The following LURAP1L variants were observed in gnomAD, a reference collection of about 807,000 sequenced individuals.
The protein encoded by LURAP1L is leucine rich adaptor protein 1 like, also known as leucine rich adaptor protein 1-like.
Under a neutral mutation model 13.8 loss-of-function variants are expected in LURAP1L, and 12 were observed. The ratio of observed to expected loss-of-function variants is 0.87; its 90% CI spans 0.56 to 1.41. The LOEUF is 1.41. Ranked by LOEUF, LURAP1L falls within the 40% of genes most tolerant of loss-of-function variation. The pLI is 0.00. For synonymous variants in LURAP1L, 139 were observed against 119.2 expected (o/e 1.17, Z -1.08); for missense variants, 375 against 292.9 (o/e 1.28, Z -2.04).
chr9:12,806,467 G>C (rs1016238281), intron 1 of LURAP1L, among the ~76,000 whole-genome samples: 3 of 151,612 alleles, frequency 2.0e-5, no homozygotes, highest in African/African-American at 7.3e-5. Flanking sequence ...TCATAATGCT[G>C]GGTCAATTCA....
chr9:12,807,846 C>T (rs1258632778), intron 1 of LURAP1L, among the ~76,000 whole-genome samples: 1 of 151,940 alleles, frequency 6.6e-6, no homozygotes, highest in Admixed American at 6.6e-5. Flanking sequence ...TTTTTCTTCT[C>T]TTGGCATATT....
intron 1 of LURAP1L, among the ~76,000 whole-genome samples, chr9:12,778,383 T>A (rs1266485518): frequency 2.0e-5 from 3 of 152,226 alleles, no homozygotes; most frequent in African/African-American, 7.2e-5. Context: ...CTCAGCTTTC[T>A]TGTTAACATA....
At position 12,790,123 on chromosome 9, in the gene LURAP1L, T is replaced by A. The variant is rs916365325; in HGVS notation, c.312+14096T>A. ...AAGTCATGTTATTTTAAAAAAATATTTTTAAGTCTCTGGGGCTAAAGATTT... is the reference window on the plus strand; with the variant it reads ...AAGTCATGTTATTTTAAAAAAATATATTTAAGTCTCTGGGGCTAAAGATTT... On this transcript the variant is annotated intron_variant, in intron 1 of 1. Transcript: ENST00000319264. Among the ~76,000 whole-genome samples, 7 of 152,294 alleles carry A rather than the reference T, an allele frequency of 4.6e-5. No homozygotes were observed. In the East Asian group the frequency reaches 1.4e-3, roughly 29 times the overall value.
intron 1 of LURAP1L, among the ~76,000 whole-genome samples, chr9:12,807,792 C>G (rs1335278584): frequency 6.6e-6 from 1 of 151,858 alleles, no homozygotes; most frequent in Non-Finnish European, 1.5e-5. Flanking sequence ...GCTTTTTTGT[C>G]TTCCACTTCT....
At chr9:12,780,253 T>C (rs1819251266) in intron 1 of LURAP1L, among the ~76,000 whole-genome samples, 1 of 152,208 alleles carries the variant, frequency 6.6e-6, no homozygotes, top group Admixed American at 6.5e-5. Context: ...TCAGTTATCC[T>C]CTTCTTCTCA....
chr9:12,795,645 A>G (rs1024814767), intron 1 of LURAP1L, among the ~76,000 whole-genome samples: 2 of 152,086 alleles, frequency 1.3e-5, no homozygotes, highest in Non-Finnish European at 2.9e-5. Context: ...CTGAATGCCA[A>G]GCTAAGAAGT....
intron 1 of LURAP1L, among the ~76,000 whole-genome samples, chr9:12,799,537 T>C (rs188086980): frequency 6.6e-6 from 1 of 152,324 alleles, no homozygotes; most frequent in East Asian, 1.9e-4. Flanking sequence ...TCAGTTTAAT[T>C]AACCTACTTA....
intron 1 of LURAP1L, among the ~76,000 whole-genome samples, chr9:12,780,572 G>A (rs547738365): frequency 6.6e-5 from 10 of 152,050 alleles, no homozygotes; most frequent in African/African-American, 2.4e-4. Flanking sequence ...ATTCAAACAA[G>A]AACCACTGTG....
intron 1 of LURAP1L, 135 bp from the exon 2 acceptor site, chr9:12,821,251 C>G: frequency 1.9e-6 from 2 of 1,049,182 alleles, no homozygotes; most frequent in South Asian, 3.2e-5. Flanking sequence ...TCAAAAAGTT[C>G]CTGACAACCA....
chr9:12,789,942 A>G (rs1267431811), intron 1 of LURAP1L, among the ~76,000 whole-genome samples: 1 of 152,222 alleles, frequency 6.6e-6, no homozygotes, highest in Non-Finnish European at 1.5e-5. Flanking sequence ...TTTAATTGTG[A>G]CGACAAAATT....
At chr9:12,791,177 G>C (rs1005235885) in intron 1 of LURAP1L, among the ~76,000 whole-genome samples, 1 of 152,084 alleles carries the variant, frequency 6.6e-6, no homozygotes, top group African/African-American at 2.4e-5. Flanking sequence ...GAATGAGGAA[G>C]AGTAGGTTTC....
chr9:12,802,127 C>T (rs1819595529), intron 1 of LURAP1L, among the ~76,000 whole-genome samples: 2 of 152,128 alleles, frequency 1.3e-5, no homozygotes. Flanking sequence ...CCCTACACAG[C>T]CCAAATTAAT....
rs554643363 is a variant in LURAP1L, at chr9:12,819,162, C to G, written c.313-2224C>G. On this transcript the variant is annotated intron_variant, in intron 1 of 1. Transcript: ENST00000319264. Reference sequence around the variant, plus strand: ...AAGGCTAAGTTCACATCCTTCTGTTCATGAACGTCTCAGTGAAAAGTAATT... The same window carrying G: ...AAGGCTAAGTTCACATCCTTCTGTTGATGAACGTCTCAGTGAAAAGTAATT... Among the ~76,000 whole-genome samples the G allele has an allele frequency of 5.3e-5, 8 of 152,266 alleles. No individual in the cohort carries two copies. In the East Asian group the frequency reaches 1.6e-3, roughly 30 times the overall value.
chr9:12,803,601 A>T (rs1819616383), intron 1 of LURAP1L, among the ~76,000 whole-genome samples: 1 of 152,222 alleles, frequency 6.6e-6, no homozygotes. Flanking sequence ...TCACATTCAA[A>T]GGAGAGCAAA....
chr9:12,783,740 C>T (rs1374536069), intron 1 of LURAP1L, among the ~76,000 whole-genome samples: 2 of 150,540 alleles, frequency 1.3e-5, no homozygotes, highest in African/African-American at 4.9e-5. Flanking sequence ...GAAGTATTCT[C>T]TCCTCTGTTT....
At chr9:12,813,574 T>A (rs918485960) in intron 1 of LURAP1L, among the ~76,000 whole-genome samples, 1 of 152,134 alleles carries the variant, frequency 6.6e-6, no homozygotes, top group African/African-American at 2.4e-5. Flanking sequence ...TAGACTTAAG[T>A]GATAGAGAAA....
intron 1 of LURAP1L, chr9:12,777,648 CA>C: frequency 1.2e-6 from 1 of 852,756 alleles, no homozygotes; most frequent in African/African-American, 1.9e-5. Context: ...CACTCAGACA[CA>C]ATTTAGAGTA....
intron 1 of LURAP1L, among the ~76,000 whole-genome samples, chr9:12,811,474 A>C (rs1819734580): frequency 6.6e-6 from 1 of 152,220 alleles, no homozygotes; most frequent in African/African-American, 2.4e-5. Context: ...GGGGAAAGAA[A>C]AGCTGTCCTC....
intron 1 of LURAP1L, chr9:12,777,628 T>C (rs1819207869): frequency 1.1e-6 from 1 of 948,084 alleles, no homozygotes; most frequent in Non-Finnish European, 1.3e-6. Context: ...AATACTGTCA[T>C]TTTGCTGGAC....
Sources: allele counts gnomAD v4.1 joint callset (sites outside exome capture counted in the v4.1 genomes callset), GRCh38; gene constraint gnomAD v4.1.1; transcripts MANE v1.5; gene names NCBI Gene and HGNC (gene_info 2026-07-23, HGNC 2026-07-21).